The following DNAJC17 variants were observed in gnomAD, a reference collection of about 807,000 sequenced individuals.
The protein encoded by DNAJC17 is dnaJ homolog subfamily C member 17.
In DNAJC17, 35 loss-of-function variants were observed where a neutral mutation model predicts 48.1. The observed-to-expected ratio is 0.73, with a 90% CI of 0.56 to 0.96. The LOEUF (loss-of-function observed/expected upper bound fraction) is 0.96, where lower values mean the gene tolerates loss of function less well. Ranked by LOEUF, DNAJC17 falls within the 50% of genes least tolerant of loss-of-function variation. The pLI, the probability that DNAJC17 is intolerant of heterozygous loss-of-function variation, is 0.00. For synonymous variants in DNAJC17, 117 were observed against 142.7 expected, an observed-to-expected ratio of 0.82 and a Z score of 1.28; for missense variants, 355 against 377.1, an observed-to-expected ratio of 0.94 and a Z score of 0.48.
At chr15:40,775,677 A>G in intron 6 of DNAJC17, 81 bp from the exon 7 acceptor site, 2 of 1,442,736 alleles carry the variant, frequency 1.4e-6, no homozygotes, top group South Asian at 1.2e-5. Context: ...CCAGAGCAAG[A>G]AGGGTCTGGA....
At chr15:40,798,671 T>C (rs1889998589) in intron 1 of DNAJC17, among the ~76,000 whole-genome samples, 1 of 152,122 alleles carries the variant, frequency 6.6e-6, no homozygotes, top group Admixed American at 6.6e-5. Context: ...ATTCTAAGAC[T>C]GAGAGAAGCC....
chr15:40,807,259 G>T (rs1184486189), intron 1 of DNAJC17, 110 bp downstream of exon 1: 1 of 1,595,402 alleles, frequency 6.3e-7, no homozygotes, highest in African/African-American at 1.3e-5. Flanking sequence ...CTCGCTCCCC[G>T]CCCAGGACCC....
intron 1 of DNAJC17, among the ~76,000 whole-genome samples, chr15:40,806,056 G>T (rs1285277656): frequency 6.6e-6 from 1 of 151,998 alleles, no homozygotes; most frequent in Non-Finnish European, 1.5e-5. Context: ...GATTTCAGCT[G>T]CGGCTGCAGG....
intron 1 of DNAJC17, among the ~76,000 whole-genome samples, chr15:40,787,984 G>A (rs1193300629): frequency 1.3e-5 from 2 of 152,198 alleles, no homozygotes; most frequent in African/African-American, 4.8e-5. Context: ...AAGAGGCCGA[G>A]GCTGATAGGT....
At chr15:40,786,978 G>A (rs1420321535) in intron 1 of DNAJC17, among the ~76,000 whole-genome samples, 6 of 152,142 alleles carry the variant, frequency 3.9e-5, no homozygotes, top group Admixed American at 1.3e-4. Flanking sequence ...CACGTTCTAC[G>A]GAGAGTGGTG....
chr15:40,782,976 G>A (rs1238593490), intron 1 of DNAJC17, among the ~76,000 whole-genome samples: 2 of 152,116 alleles, frequency 1.3e-5, no homozygotes, highest in Admixed American at 1.3e-4. Flanking sequence ...TGCCCTGCCT[G>A]CTCACCTCCC....
Position 40,765,959 on chromosome 15 carries a change from GCCCCTAGACCTGCCT to G in DNAJC17, c.*1966_*1980del. ...CTCCCTCAGTATCCTCTCCCTGCCA[GCCCCTAGACCTGCCT>G]CTGCTCCCTTTATACAACCTCCAAG... On this transcript the variant is annotated 3_prime_UTR_variant, in exon 11 of 11. Coordinates refer to ENST00000220496, the MANE Select transcript of DNAJC17 (RefSeq NM_018163.3). 1 of 1,124,502 alleles carries G rather than the reference GCCCCTAGACCTGCCT, an allele frequency of 8.9e-7. No individual in the cohort carries two copies. The highest frequency in any genetic ancestry group is 2.0e-4 in the Middle Eastern group (1 of 4,962). 69.7% of individuals were successfully genotyped at this position (1,124,502 alleles called of 1,614,324 possible). A position where few individuals can be genotyped will look rare whatever the true frequency, so the allele number is the denominator to read the frequency against.
At chr15:40,789,903 CAAAAAAAAA>C (rs71428311) in intron 1 of DNAJC17, among the ~76,000 whole-genome samples, 7 of 20,014 alleles carry the variant, frequency 3.5e-4, no homozygotes, top group East Asian at 2.7e-3. Flanking sequence ...CAGACTGTCT[CAAAAAAAAA>C]AAAAAAAAAA....
At chr15:40,797,667 C>G (rs1171990648) in intron 1 of DNAJC17, among the ~76,000 whole-genome samples, 1 of 151,170 alleles carries the variant, frequency 6.6e-6, no homozygotes, top group African/African-American at 2.4e-5. Flanking sequence ...CTGCCTCAGC[C>G]TCCCAAAGTG....
At position 40,767,031 on chromosome 15, in the gene DNAJC17, A is replaced by C; in HGVS notation, c.*909T>G. The C allele has an allele frequency of 2.2e-6, 1 of 444,570 alleles. No homozygotes were observed. The highest frequency in any genetic ancestry group is 3.9e-6 in the Non-Finnish European group (1 of 256,358). 27.5% of individuals were successfully genotyped at this position (444,570 alleles called of 1,614,324 possible). A position where few individuals can be genotyped will look rare whatever the true frequency, so the allele number is the denominator to read the frequency against. On this transcript the variant is annotated 3_prime_UTR_variant, in exon 11 of 11. Coordinates refer to ENST00000220496, the MANE Select transcript of DNAJC17 (RefSeq NM_018163.3). ...TGGCACCTTCACTAGCTTGTTGGGA[A>C]GAATAAATGAGATAGCTCGTGAAGT... is the stretch of plus-strand genomic sequence containing the variant.
At chr15:40,794,211 A>G (rs529651652) in intron 1 of DNAJC17, among the ~76,000 whole-genome samples, 4 of 152,032 alleles carry the variant, frequency 2.6e-5, no homozygotes, top group South Asian at 2.1e-4. Context: ...TTAGCCAGGC[A>G]TGGTGGTGCA....
intron 1 of DNAJC17, among the ~76,000 whole-genome samples, chr15:40,793,625 G>A (rs532710601): frequency 6.6e-5 from 10 of 152,192 alleles, no homozygotes; most frequent in African/African-American, 2.4e-4. Flanking sequence ...AGGGGTCCAG[G>A]TGGAGGGCAG....
At chr15:40,801,737 C>CAAAAAAAAAA (rs1048222450) in intron 1 of DNAJC17, among the ~76,000 whole-genome samples, 16 of 63,286 alleles carry the variant, frequency 2.5e-4, no homozygotes, top group Non-Finnish European at 2.8e-4. Context: ...GACTCCGTCT[C>CAAAAAAAAAA]AAAAAAAAAA....
intron 6 of DNAJC17, 118 bp downstream of exon 6, chr15:40,776,077 AC>A: frequency 2.3e-6 from 2 of 866,780 alleles, no homozygotes; most frequent in Admixed American, 2.2e-5. Flanking sequence ...CCATAGGGTG[AC>A]CCCAGGGTTC....
In DNAJC17 at chr15:40,776,222, C is replaced by T. The variant is rs749785446; in HGVS notation, c.452G>A (p.Arg151His). 7.4e-6 allele frequency: 12 copies of T among 1,613,920 alleles called. No individual in the cohort carries two copies. Among genetic ancestry groups the T allele is most frequent in the African/African-American group, 5.3e-5 (4 of 74,912 alleles). Residue 151 changes from arginine to histidine, a missense_variant, in exon 6 of 11, where the codon CGC becomes CAC. By Grantham distance (29) the Arg-to-His change is conservative (BLOSUM62 0). This residue lies in a region of DNAJC17 where 199 missense variants were observed against 199.9 expected (regional missense o/e 1.00). Transcript: ENST00000220496. Reference sequence around the variant, plus strand: ...TCTCAACCTCTGGTCACGCTCCTGGCGTATCTGCTCCCGGATGAGCCTCTG... The same window carrying T: ...TCTCAACCTCTGGTCACGCTCCTGGTGTATCTGCTCCCGGATGAGCCTCTG... ...EQQRLIREQIRQERDQRLRGK... is the reference protein window; with the variant it reads ...EQQRLIREQIHQERDQRLRGK...
chr15:40,767,733 A>G lies in DNAJC17; in HGVS notation c.*207T>C, dbSNP rs1566817373. On this transcript the variant is annotated 3_prime_UTR_variant, in exon 11 of 11. Coordinates refer to ENST00000220496, the MANE Select transcript of DNAJC17 (RefSeq NM_018163.3). Reference sequence around the variant, plus strand: ...GGCTGCGCCTGTGCTCTGCTTGTGCACGGACTCTGGGACTCTCACCCTGCG... The same window carrying G: ...GGCTGCGCCTGTGCTCTGCTTGTGCGCGGACTCTGGGACTCTCACCCTGCG... The G allele has an allele frequency of 1.9e-5, 13 of 702,676 alleles. No homozygotes were observed. Among genetic ancestry groups the G allele is most frequent in the Middle Eastern group, 7.9e-4 (2 of 2,518 alleles). 43.5% of individuals were successfully genotyped at this position (702,676 alleles called of 1,614,324 possible).
chr15:40,801,656 G>A (rs1890074154), intron 1 of DNAJC17, among the ~76,000 whole-genome samples: 1 of 149,694 alleles, frequency 6.7e-6, no homozygotes, highest in South Asian at 2.1e-4. Context: ...AGGAGGCTGA[G>A]ACGGGAGAAT....
chr15:40,791,475 C>A (rs941893822), intron 1 of DNAJC17, among the ~76,000 whole-genome samples: 1 of 151,950 alleles, frequency 6.6e-6, no homozygotes, highest in Non-Finnish European at 1.5e-5. Context: ...TTGCAGTGAG[C>A]CAAGATCGCA....
rs771398272 is a variant in DNAJC17 at position 40,770,830 on chromosome 15, C to T, written c.793-2768G>A. On this transcript the variant is annotated intron_variant, in intron 10 of 10. Coordinates refer to ENST00000220496, the MANE Select transcript of DNAJC17 (RefSeq NM_018163.3). The surrounding 1 kb of genome is among the most constrained non-coding windows in gnomAD (Gnocchi z 5.0). ...GCAGCCTACTCTGCCACCCTGCCATCGGCGCTCTCTCTGTCGAGTGCCCTC... is the reference window on the plus strand; with the variant it reads ...GCAGCCTACTCTGCCACCCTGCCATTGGCGCTCTCTCTGTCGAGTGCCCTC... 51 of 1,551,138 alleles carry T rather than the reference C, an allele frequency of 3.3e-5. No homozygotes were observed. Among genetic ancestry groups the T allele is most frequent in the African/African-American group, 4.1e-5 (3 of 73,058 alleles).
Sources: gnomAD v4.1 joint callset for allele counts (sites outside exome capture counted in the v4.1 genomes callset) on GRCh38, gnomAD v4.1.1 for gene constraint, gnomAD v4.1.1 regional missense constraint, Gnocchi (gnomAD v3.1) non-coding constraint, MANE v1.5 for transcripts, NCBI Gene and HGNC (gene_info 2026-07-23, HGNC 2026-07-21) for gene names.